The following LUZP2 variants were observed in gnomAD, a reference collection of about 807,000 sequenced individuals.
LUZP2 encodes leucine zipper protein 2.
In LUZP2, 52 loss-of-function variants were observed where a neutral mutation model predicts 51.6. The observed-to-expected ratio is 1.01, with a 90% CI of 0.81 to 1.27. The LOEUF (loss-of-function observed/expected upper bound fraction) is 1.27. Among genes scored for constraint, LUZP2 ranks in the 50% most tolerant of loss-of-function variants. LUZP2 has a pLI of 0.00. For synonymous variants in LUZP2, 154 were observed against 137.3 expected (o/e 1.12, Z -0.85); for missense variants, 436 against 395.4 (o/e 1.10, Z -0.87).
chr11:24,627,667 T>C (rs1349245601), intron 1 of LUZP2, among the ~76,000 whole-genome samples: 1 of 152,136 alleles, frequency 6.6e-6, no homozygotes, highest in Non-Finnish European at 1.5e-5. Flanking sequence ...GGAAGGATTC[T>C]CAACTTGAAT....
At chr11:24,549,808 C>T (rs949599462) in intron 1 of LUZP2, among the ~76,000 whole-genome samples, 6 of 151,978 alleles carry the variant, frequency 3.9e-5, no homozygotes, top group African/African-American at 1.4e-4. Context: ...AATTTAAATA[C>T]CCCCAACGTT....
At chr11:24,859,203 A>G (rs1375797156) in intron 5 of LUZP2, among the ~76,000 whole-genome samples, 1 of 152,228 alleles carries the variant, frequency 6.6e-6, no homozygotes, top group Non-Finnish European at 1.5e-5. Flanking sequence ...AAGTCATCTT[A>G]TTTTATTAAT....
chr11:24,918,265 A>T (rs1464565381), intron 7 of LUZP2, among the ~76,000 whole-genome samples: 3 of 152,102 alleles, frequency 2.0e-5, no homozygotes, highest in Admixed American at 6.6e-5. Context: ...TAGATATACA[A>T]TCATGTCATC....
At chr11:24,898,595 C>G (rs1339872405) in intron 5 of LUZP2, among the ~76,000 whole-genome samples, 1 of 151,444 alleles carries the variant, frequency 6.6e-6, no homozygotes. Context: ...TGTACTCCAG[C>G]CTGTGCGACA....
At chr11:24,974,111 G>T (rs1482381079) in intron 7 of LUZP2, among the ~76,000 whole-genome samples, 1 of 151,998 alleles carries the variant, frequency 6.6e-6, no homozygotes, top group East Asian at 1.9e-4. Flanking sequence ...AATAATCTGG[G>T]TGCTCCTGTA....
Position 24,628,212 on chromosome 11 carries a change from T to TACAC in LUZP2, c.63-100938_63-100935dup, listed in dbSNP as rs34309953. Among the ~76,000 whole-genome samples, 586 of 150,154 alleles carry TACAC rather than the reference T, an allele frequency of 3.9e-3. 6 individuals carry two copies. Among genetic ancestry groups the TACAC allele is most frequent in the African/African-American group, 0.013 (542 of 40,990 alleles). ...ACACGCACACACACACACCCATGCA[T>TACAC]ACACACACACACACACACACACCTG... On this transcript the variant is annotated intron_variant, in intron 1 of 11. Coordinates refer to ENST00000336930, the MANE Select transcript of LUZP2 (RefSeq NM_001009909.4).
chr11:24,744,512 A>T (rs936413290), intron 4 of LUZP2, among the ~76,000 whole-genome samples: 2 of 152,082 alleles, frequency 1.3e-5, no homozygotes, highest in African/African-American at 4.8e-5. Flanking sequence ...TGTTCATAGT[A>T]GCCTTGAGTG....
chr11:25,050,909 T>C (rs1213043890), intron 10 of LUZP2, among the ~76,000 whole-genome samples: 1 of 152,176 alleles, frequency 6.6e-6, no homozygotes, highest in Non-Finnish European at 1.5e-5. Context: ...GTTCAATGAG[T>C]CTTTTCACTC....
chr11:25,009,402 TGTG>T (rs1299563185), intron 9 of LUZP2, among the ~76,000 whole-genome samples: 1 of 152,194 alleles, frequency 6.6e-6, no homozygotes, highest in Non-Finnish European at 1.5e-5. Context: ...ATATATATAT[TGTG>T]GTAATATGCT....
intron 6 of LUZP2, among the ~76,000 whole-genome samples, chr11:24,908,165 A>G (rs1853515282): frequency 1.3e-5 from 2 of 152,168 alleles, no homozygotes; most frequent in African/African-American, 4.8e-5. Context: ...GTGACCCTCA[A>G]CTGTCAGTAT....
intron 5 of LUZP2, among the ~76,000 whole-genome samples, chr11:24,870,470 T>TACACACACAC (rs377460741): frequency 7.7e-6 from 1 of 130,608 alleles, no homozygotes; most frequent in Admixed American, 7.6e-5. Context: ...CACCAGTTCC[T>TACACACACAC]ACACACACAC....
At chr11:24,960,389 T>A (rs1245641012) in intron 7 of LUZP2, among the ~76,000 whole-genome samples, 1 of 152,112 alleles carries the variant, frequency 6.6e-6, no homozygotes, top group Non-Finnish European at 1.5e-5. Flanking sequence ...CTGGACTCTT[T>A]TTGGTTGGTA....
chr11:24,954,928 A>C (rs533593435), intron 7 of LUZP2, among the ~76,000 whole-genome samples: 1 of 152,064 alleles, frequency 6.6e-6, no homozygotes, highest in African/African-American at 2.4e-5. Context: ...GACCAGAAAG[A>C]ATAGGGTACC....
chr11:24,521,379 G>T (rs1398276772), intron 1 of LUZP2, among the ~76,000 whole-genome samples: 1 of 151,100 alleles, frequency 6.6e-6, no homozygotes, highest in East Asian at 1.9e-4. Flanking sequence ...GGTGGGGGTG[G>T]GGTGGGGTAA....
intron 1 of LUZP2, among the ~76,000 whole-genome samples, chr11:24,550,960 C>T (rs529431317): frequency 9.2e-5 from 14 of 151,964 alleles, no homozygotes; most frequent in South Asian, 2.1e-4. Context: ...AACAAACACA[C>T]ACACAAAATG....
intron 5 of LUZP2, among the ~76,000 whole-genome samples, chr11:24,882,627 G>A (rs961231014): frequency 1.8e-4 from 27 of 151,532 alleles, no homozygotes; most frequent in Admixed American, 7.9e-4. Flanking sequence ...CTTAACCTTC[G>A]GTAAGTTTCG....
At chr11:24,924,795 A>G (rs545471077) in intron 7 of LUZP2, among the ~76,000 whole-genome samples, 34 of 152,334 alleles carry the variant, frequency 2.2e-4, no homozygotes, top group African/African-American at 7.5e-4. Flanking sequence ...AGGTGGATTT[A>G]AAGATTTCCT....
At chr11:24,848,867 C>G (rs1851291547) in intron 5 of LUZP2, among the ~76,000 whole-genome samples, 1 of 152,016 alleles carries the variant, frequency 6.6e-6, no homozygotes, top group Admixed American at 6.6e-5. Flanking sequence ...TCAATAAGTG[C>G]AGAAAAAGCA....
At chr11:24,513,260 C>T (rs1314060930) in intron 1 of LUZP2, among the ~76,000 whole-genome samples, 1 of 152,062 alleles carries the variant, frequency 6.6e-6, no homozygotes, top group East Asian at 1.9e-4. Context: ...AAAATTAAGT[C>T]CCCCTTGCCT....
Sources: gnomAD v4.1 joint callset for allele counts (sites outside exome capture counted in the v4.1 genomes callset) on GRCh38, gnomAD v4.1.1 for gene constraint, MANE v1.5 for transcripts, NCBI Gene and HGNC (gene_info 2026-07-23, HGNC 2026-07-21) for gene names.